BCKDHB: variants seen among roughly 807,000 people sequenced by gnomAD.
BCKDHB encodes the protein branched chain keto acid dehydrogenase E1 subunit beta.
A neutral mutation model predicts 48.5 loss-of-function variants in BCKDHB; 41 were observed. The ratio of observed to expected loss-of-function variants is 0.85; its 90% CI spans 0.66 to 1.10. BCKDHB has a LOEUF of 1.10. Ranked by LOEUF, BCKDHB falls within the 50% of genes least tolerant of loss-of-function variation. The probability of loss-of-function intolerance (pLI) is 0.00; values close to 1 mark genes in which losing one functional copy is unlikely to be tolerated. For synonymous variants in BCKDHB, 201 were observed against 174.8 expected (o/e 1.15, Z -1.18); for missense variants, 496 against 494.2 (o/e 1.00, Z -0.03).
At chr6:80,157,229 A>G (rs1433302754) in intron 3 of BCKDHB, among the ~76,000 whole-genome samples, 4 of 152,090 alleles carry the variant, frequency 2.6e-5, no homozygotes, top group Non-Finnish European at 1.5e-5. Flanking sequence ...TCTCTAATAC[A>G]TGGCTACCTA....
intron 3 of BCKDHB, among the ~76,000 whole-genome samples, chr6:80,152,014 G>C (rs1205124226): frequency 6.6e-6 from 1 of 152,100 alleles, no homozygotes; most frequent in Non-Finnish European, 1.5e-5. Flanking sequence ...AGATTAAAAA[G>C]AAAAATTTCA....
chr6:80,215,588 T>C (rs575697370), intron 8 of BCKDHB, among the ~76,000 whole-genome samples: 1 of 152,246 alleles, frequency 6.6e-6, no homozygotes, highest in Non-Finnish European at 1.5e-5. Context: ...GGTTTTTCAG[T>C]GAAAGAAATT....
At chr6:80,190,572 A>G (rs1292365028) in intron 6 of BCKDHB, among the ~76,000 whole-genome samples, 4 of 152,202 alleles carry the variant, frequency 2.6e-5, no homozygotes, top group African/African-American at 9.6e-5. Flanking sequence ...GTGATACTTT[A>G]AAGGTGCTTA....
At chr6:80,397,896 C>A in the BCKDHB span, among the ~76,000 whole-genome samples, 1 of 152,094 alleles carries the variant, frequency 6.6e-6, no homozygotes, top group South Asian at 2.1e-4. Flanking sequence ...ACCAACAAAC[C>A]AACAAACAAC....
the BCKDHB span, among the ~76,000 whole-genome samples, chr6:80,424,954 G>A: frequency 6.6e-6 from 1 of 152,164 alleles, no homozygotes; most frequent in African/African-American, 2.4e-5. Context: ...AAGCTGCTTG[G>A]TGTGGATGTA....
chr6:80,114,671 G>A (rs1769591446), intron 1 of BCKDHB, among the ~76,000 whole-genome samples: 2 of 152,202 alleles, frequency 1.3e-5, no homozygotes. Flanking sequence ...CCTGGGTGGA[G>A]GGTAGTGCCG....
intron 9 of BCKDHB, among the ~76,000 whole-genome samples, chr6:80,319,879 C>CT (rs1768629553): frequency 6.6e-6 from 1 of 152,050 alleles, no homozygotes; most frequent in Admixed American, 6.5e-5. Context: ...AAGATCAGTT[C>CT]TTTTAGGGAT....
At chr6:80,412,001 C>T in the BCKDHB span, among the ~76,000 whole-genome samples, 1 of 152,224 alleles carries the variant, frequency 6.6e-6, no homozygotes, top group Non-Finnish European at 1.5e-5. Flanking sequence ...GAACAAGGTA[C>T]CTCAGTTGGA....
At chr6:80,161,324 ATTATC>A (rs1042109726) in intron 3 of BCKDHB, among the ~76,000 whole-genome samples, 2 of 152,158 alleles carry the variant, frequency 1.3e-5, no homozygotes, top group African/African-American at 4.8e-5. Context: ...GTGTGAAATT[ATTATC>A]TTATGACATA....
intron 6 of BCKDHB, among the ~76,000 whole-genome samples, chr6:80,197,749 C>G (rs1774194354): frequency 6.6e-6 from 1 of 152,200 alleles, no homozygotes; most frequent in African/African-American, 2.4e-5. Context: ...AGGGGAAAGA[C>G]TTGATGATGG....
At chr6:80,405,744 A>G in the BCKDHB span, among the ~76,000 whole-genome samples, 3 of 152,144 alleles carry the variant, frequency 2.0e-5, no homozygotes, top group Non-Finnish European at 2.9e-5. Flanking sequence ...TAAAACATCT[A>G]TAGTTACAGC....
At chr6:80,136,339 A>T (rs563669586) in intron 3 of BCKDHB, among the ~76,000 whole-genome samples, 212 of 152,308 alleles carry the variant, frequency 1.4e-3, no homozygotes, top group African/African-American at 5.0e-3. Flanking sequence ...TTTGACAATG[A>T]TGCCAATACC....
At chr6:80,158,711 A>T (rs1473715408) in intron 3 of BCKDHB, among the ~76,000 whole-genome samples, 1 of 152,126 alleles carries the variant, frequency 6.6e-6, no homozygotes, top group Non-Finnish European at 1.5e-5. Context: ...CAATCAGTGG[A>T]TGGGAGATGC....
At chr6:80,168,847 A>T (rs756468349) in intron 4 of BCKDHB, 28 bp from the exon 5 acceptor site, 1 of 1,613,714 alleles carries the variant, frequency 6.2e-7, no homozygotes, top group East Asian at 2.2e-5. Context: ...TCATTGTGCC[A>T]TGCCCCGTCT....
chr6:80,427,602 A>G, the BCKDHB span, among the ~76,000 whole-genome samples: 1 of 152,100 alleles, frequency 6.6e-6, no homozygotes, highest in African/African-American at 2.4e-5. Flanking sequence ...TTCTGCCTGA[A>G]TATTTCCTTT....
chr6:80,307,659 A>C (rs6906403), intron 9 of BCKDHB: 1 of 975,018 alleles, frequency 1.0e-6, no homozygotes, highest in African/African-American at 1.8e-5. Context: ...TGTAAAAAAA[A>C]TTATTTGTAT....
chr6:80,162,921 T>C (rs1289383272), intron 3 of BCKDHB, among the ~76,000 whole-genome samples: 2 of 151,028 alleles, frequency 1.3e-5, no homozygotes, highest in East Asian at 3.9e-4. Context: ...TCTTCTCTTC[T>C]CTCTCTCTCT....
intron 9 of BCKDHB, among the ~76,000 whole-genome samples, chr6:80,309,721 T>G: frequency 6.6e-6 from 1 of 152,200 alleles, no homozygotes; most frequent in East Asian, 1.9e-4. Context: ...TTAAAACTTT[T>G]ATTTTAGTAT....
At chr6:80,319,870 A>C (rs966900964) in intron 9 of BCKDHB, among the ~76,000 whole-genome samples, 1 of 152,176 alleles carries the variant, frequency 6.6e-6, no homozygotes, top group Non-Finnish European at 1.5e-5. Context: ...ACAAAACATA[A>C]GATCAGTTCT....
Sources: gnomAD v4.1 joint callset for allele counts (sites outside exome capture counted in the v4.1 genomes callset) on GRCh38, gnomAD v4.1.1 for gene constraint, MANE v1.5 for transcripts, NCBI Gene and HGNC (gene_info 2026-07-23, HGNC 2026-07-21) for gene names.